Variants in ZPBP observed in about 807,000 individuals in gnomAD.
ZPBP encodes zona pellucida-binding protein 1.
Under a neutral mutation model 44.8 loss-of-function variants are expected in ZPBP, and 26 were observed. That is an observed-to-expected ratio of 0.58 (90% CI 0.43 to 0.81). ZPBP has a LOEUF of 0.81. Ranked by LOEUF, ZPBP falls within the 30% of genes least tolerant of loss-of-function variation. The pLI, the probability that ZPBP is intolerant of heterozygous loss-of-function variation, is 0.00. For synonymous variants in ZPBP, 174 were observed against 153.2 expected (o/e 1.14, Z -1.00); for missense variants, 409 against 434.0 (o/e 0.94, Z 0.51).
intron 3 of ZPBP, among the ~76,000 whole-genome samples, chr7:50,072,187 A>C (rs1282830813): frequency 6.6e-6 from 1 of 152,174 alleles, no homozygotes; most frequent in African/African-American, 2.4e-5. Flanking sequence ...CATGGGCCTT[A>C]AGGGAACATT....
At chr7:49,917,571 C>G (rs374362608) in intron 1 of ZPBP, 9 of 152,192 alleles carry the variant, frequency 5.9e-5, no homozygotes, top group Middle Eastern at 3.4e-3. Flanking sequence ...AAGTATGTAC[C>G]TAAAGTCAAT....
chr7:49,899,544 C>T (rs1225541663), intron 2 of ZPBP, among the ~76,000 whole-genome samples: 1 of 151,900 alleles, frequency 6.6e-6, no homozygotes, highest in Non-Finnish European at 1.5e-5. Flanking sequence ...TCTGACAGAG[C>T]AGACTTTAGA....
intron 2 of ZPBP, among the ~76,000 whole-genome samples, chr7:49,872,831 G>A (rs376633038): frequency 7.5e-5 from 10 of 133,712 alleles, no homozygotes; most frequent in East Asian, 2.4e-4. Context: ...CAGGAGAATC[G>A]CTTGAAACCA....
In ZPBP at chr7:50,036,097, G is replaced by T. The variant is rs369262849; in HGVS notation, c.488-4787C>A. Among the ~76,000 whole-genome samples the T allele has an allele frequency of 2.0e-5, 3 of 152,194 alleles. No individual in the cohort carries two copies. In the South Asian group the frequency reaches 6.2e-4, roughly 32 times the overall value. On this transcript the variant is annotated intron_variant, in intron 4 of 7. Coordinates refer to ENST00000046087, the MANE Select transcript of ZPBP (RefSeq NM_007009.3). ...AAATACACCACATTTAAAGATTCTGGTATATGAAAGACAAGCTAAAGGTTT... is the reference window on the plus strand; with the variant it reads ...AAATACACCACATTTAAAGATTCTGTTATATGAAAGACAAGCTAAAGGTTT...
intron 6 of ZPBP, among the ~76,000 whole-genome samples, chr7:49,988,534 C>T (rs1452825604): frequency 1.3e-5 from 2 of 152,112 alleles, no homozygotes; most frequent in African/African-American, 4.8e-5. Flanking sequence ...TGCTATCAAT[C>T]ACAATTAAGG....
At chr7:50,015,721 C>T (rs537846810) in intron 6 of ZPBP, among the ~76,000 whole-genome samples, 3 of 151,880 alleles carry the variant, frequency 2.0e-5, no homozygotes, top group Admixed American at 2.0e-4. Context: ...CAAACAACCC[C>T]ATTAACAAAA....
intron 4 of ZPBP, among the ~76,000 whole-genome samples, chr7:50,035,315 C>T (rs1165421570): frequency 1.3e-5 from 2 of 152,216 alleles, no homozygotes. Flanking sequence ...CTTTTGTTTT[C>T]AGCAGTGTCT....
chr7:50,074,171 T>A (rs931347546), intron 3 of ZPBP, among the ~76,000 whole-genome samples: 1 of 152,050 alleles, frequency 6.6e-6, no homozygotes, highest in Admixed American at 6.5e-5. Flanking sequence ...TTATTAGTTT[T>A]CTTTTTGTTT....
At chr7:50,069,818 C>T (rs1584167270) in intron 3 of ZPBP, among the ~76,000 whole-genome samples, 1 of 152,066 alleles carries the variant, frequency 6.6e-6, no homozygotes, top group Non-Finnish European at 1.5e-5. Flanking sequence ...AACGTGCCTT[C>T]CCCTGTCATA....
chr7:49,922,991 A>G (rs1026468965), intron 1 of ZPBP, among the ~76,000 whole-genome samples: 1 of 152,234 alleles, frequency 6.6e-6, no homozygotes, highest in African/African-American at 2.4e-5. Context: ...GCAAAATGTA[A>G]TAACTGAAAT....
intron 1 of ZPBP, among the ~76,000 whole-genome samples, chr7:50,092,702 A>G (rs768739501): frequency 2.0e-5 from 3 of 152,274 alleles, no homozygotes; most frequent in Non-Finnish European, 2.9e-5. Flanking sequence ...ATTTGAAAGC[A>G]GCAGGTTGCC....
intron 1 of ZPBP, among the ~76,000 whole-genome samples, chr7:50,090,267 G>A (rs1584210409): frequency 6.7e-6 from 1 of 149,220 alleles, no homozygotes; most frequent in East Asian, 2.0e-4. Context: ...TCCCACCCCC[G>A]AGTCCCCAAA....
intron 3 of ZPBP, among the ~76,000 whole-genome samples, chr7:50,070,602 A>G (rs1360859560): frequency 2.0e-5 from 3 of 152,220 alleles, no homozygotes; most frequent in African/African-American, 7.2e-5. Flanking sequence ...TGGAATTGAT[A>G]AGGAATCAGA....
intron 2 of ZPBP, among the ~76,000 whole-genome samples, chr7:49,860,155 G>A (rs1054187287): frequency 3.0e-4 from 45 of 151,866 alleles, no homozygotes; most frequent in African/African-American, 9.7e-4. Context: ...CAATCCAGTG[G>A]CATTGTACAT....
chr7:49,859,578 A>G (rs1790563860), intron 2 of ZPBP, among the ~76,000 whole-genome samples: 1 of 152,190 alleles, frequency 6.6e-6, no homozygotes. Flanking sequence ...CTACTTTTAC[A>G]TATGTGTGCA....
At chr7:49,969,490 A>C (rs1428127207) in intron 7 of ZPBP, among the ~76,000 whole-genome samples, 3 of 138,190 alleles carry the variant, frequency 2.2e-5, no homozygotes, top group Admixed American at 7.4e-5. Context: ...CCTATCTCAG[A>C]TAACTTCAAT....
rs1213209449 is a variant in ZPBP at position 50,045,078 on chromosome 7, G to T, written c.487+12911C>A. On this transcript the variant is annotated intron_variant, in intron 4 of 7. Transcript: ENST00000046087. ...TGATTATCTCAATATATGCAGAAAA[G>T]GTCTTTGATAAAATACAACACCCCT... Among the ~76,000 whole-genome samples the T allele has an allele frequency of 2.0e-5, 3 of 152,078 alleles. 1 individual carries two copies. The highest frequency in any genetic ancestry group is 4.4e-5 in the Non-Finnish European group (3 of 67,998).
intron 3 of ZPBP, among the ~76,000 whole-genome samples, chr7:50,073,503 A>G (rs1801945546): frequency 2.0e-5 from 3 of 152,152 alleles, no homozygotes; most frequent in Admixed American, 2.0e-4. Flanking sequence ...AAGGATAATA[A>G]CAGAGAATTT....
At chr7:49,922,465 T>A (rs1022850662) in intron 1 of ZPBP, among the ~76,000 whole-genome samples, 1 of 152,164 alleles carries the variant, frequency 6.6e-6, no homozygotes, top group Non-Finnish European at 1.5e-5. Flanking sequence ...TTTAGAACAA[T>A]CCTTCTGCCA....
Sources: allele counts gnomAD v4.1 joint callset (sites outside exome capture counted in the v4.1 genomes callset), GRCh38; gene constraint gnomAD v4.1.1; transcripts MANE v1.5; gene names NCBI Gene and HGNC (gene_info 2026-07-23, HGNC 2026-07-21).